The following ARID1A variants were observed in gnomAD, a reference collection of about 807,000 sequenced individuals.
ARID1A encodes the protein AT-rich interactive domain-containing protein 1A.
In ARID1A, 20 loss-of-function variants were observed where a neutral mutation model predicts 212.6. That is an observed-to-expected ratio of 0.09 (90% CI 0.07 to 0.14). ARID1A has a LOEUF of 0.14. Ranked by LOEUF, ARID1A falls within the 10% of genes least tolerant of loss-of-function variation. ARID1A has a pLI of 1.00. For missense variants in ARID1A, 2,587 were observed against 3,059.0 expected (o/e 0.85, Z 3.64); for synonymous variants, 1,376 against 1,222.1 (o/e 1.13, Z -2.63).
rs2124063345 is a variant in ARID1A, at chr1:26,762,200, C to A, written c.2300C>A (p.Pro767His). The A allele has an allele frequency of 6.2e-7, 1 of 1,614,162 alleles. No homozygotes were observed. Among genetic ancestry groups the A allele is most frequent in the South Asian group, 1.1e-5 (1 of 91,080 alleles). ...ATGCCCCAGTACAGTTCCCCCCAGC[C>A]CGGCTCAGCCTTATCTCCGCGTCAG... is the stretch of plus-strand genomic sequence containing the variant. Reference protein sequence around the residue: ...PQMPQYSSPQPGSALSPRQPS... With the variant: ...PQMPQYSSPQHGSALSPRQPS... Residue 767 changes from proline (P) to histidine (H), a missense_variant, in exon 7 of 20, where the codon CCC (proline) becomes CAC (histidine). Coordinates refer to ENST00000324856, the MANE Select transcript of ARID1A (RefSeq NM_006015.6).
chr1:26,730,859 G>A (rs2080668985), intron 2 of ARID1A, among the ~76,000 whole-genome samples: 1 of 152,164 alleles, frequency 6.6e-6, no homozygotes, highest in African/African-American at 2.4e-5. Context: ...AAAAGAGTTA[G>A]GCTCACTGGT....
intron 1 of ARID1A, 85 bp downstream of exon 1, chr1:26,697,625 G>C (rs1199657571): frequency 1.7e-6 from 2 of 1,207,132 alleles, no homozygotes; most frequent in Non-Finnish European, 1.0e-6. Context: ...ACAGCCTTGG[G>C]CTCCCCTCAG....
At chr1:26,720,955 T>G (rs545984703) in intron 1 of ARID1A, among the ~76,000 whole-genome samples, 20 of 151,432 alleles carry the variant, frequency 1.3e-4, no homozygotes, top group African/African-American at 4.8e-4. Context: ...TTGGATTGAG[T>G]AGCTGAGGAG....
chr1:26,750,916 A>G (rs2080878446), intron 4 of ARID1A, among the ~76,000 whole-genome samples: 1 of 152,074 alleles, frequency 6.6e-6, no homozygotes, highest in Non-Finnish European at 1.5e-5. Context: ...TATCAGTGAA[A>G]GGGCTGATTT....
intron 1 of ARID1A, among the ~76,000 whole-genome samples, chr1:26,722,694 A>G (rs1213169400): frequency 6.6e-6 from 1 of 152,230 alleles, no homozygotes; most frequent in Non-Finnish European, 1.5e-5. Flanking sequence ...ATGAACTAGA[A>G]TGAAGGAATT....
In ARID1A at chr1:26,766,234, C is replaced by A. The variant is rs2124079189; in HGVS notation, c.2746C>A (p.Pro916Thr). 3 of 1,613,646 alleles carry A rather than the reference C, an allele frequency of 1.9e-6. No homozygotes were observed. The highest frequency in any genetic ancestry group is 2.5e-6 in the Non-Finnish European group (3 of 1,179,844). The change falls in exon 9 of 20, where the codon CCC (proline) becomes ACC (threonine). Residue 916 changes from proline (P) to threonine (T), a missense_variant. Around this residue, in one of 11 missense-constraint regions of ARID1A, gnomAD observed 674 missense variants for 813.4 expected, o/e 0.83. Coordinates refer to ENST00000324856, the MANE Select transcript of ARID1A (RefSeq NM_006015.6). Reference sequence around the variant, plus strand: ...CTTCTTCCTTAGGCCGCCAGGCTACCCCAATATGAATCAAGGGGGCATGAT... The same window carrying A: ...CTTCTTCCTTAGGCCGCCAGGCTACACCAATATGAATCAAGGGGGCATGAT... ...NSIQNRPPGYPNMNQGGMMGT... is the reference protein window; with the variant it reads ...NSIQNRPPGYTNMNQGGMMGT...
Position 26,732,570 on chromosome 1 carries a change from T to G in ARID1A, c.1804-106T>G, listed in dbSNP as rs186805198. ...ACATAATACTTTTCGCAACTGGACT[T>G]TCTCTCACACTCATGAGAGACAGTC... On this transcript the variant is annotated intron_variant, in intron 3 of 19. Transcript: ENST00000324856. 8.0e-6 allele frequency: 7 copies of G among 873,864 alleles called. No homozygotes were observed. In the East Asian group the frequency reaches 1.5e-4, roughly 19 times the overall value. The allele number at this position is 873,864 out of a possible 1,614,324, so 54.1% of individuals were successfully genotyped here. A position where few individuals can be genotyped will look rare whatever the true frequency, so the allele number is the denominator to read the frequency against.
At chr1:26,757,795 A>T (rs1236787969) in intron 4 of ARID1A, among the ~76,000 whole-genome samples, 2 of 151,978 alleles carry the variant, frequency 1.3e-5, no homozygotes, top group Non-Finnish European at 2.9e-5. Flanking sequence ...CAGCCTCCTG[A>T]GTACCTGGGA....
At chr1:26,758,930 A>G (rs2080965703) in intron 4 of ARID1A, among the ~76,000 whole-genome samples, 2 of 152,212 alleles carry the variant, frequency 1.3e-5, no homozygotes, top group African/African-American at 2.4e-5. Context: ...CTTCAGAGCA[A>G]ACTTTGTCTC....
intron 1 of ARID1A, among the ~76,000 whole-genome samples, chr1:26,723,289 G>T (rs1570568320): frequency 6.6e-6 from 1 of 152,198 alleles, no homozygotes; most frequent in Non-Finnish European, 1.5e-5. Flanking sequence ...TGTTGGTTGG[G>T]AGAGGCCTTA....
intron 1 of ARID1A, chr1:26,729,397 C>T: frequency 2.0e-6 from 1 of 497,926 alleles, no homozygotes; most frequent in Non-Finnish European, 3.7e-6. Flanking sequence ...CAAGCAGTAC[C>T]ACAGTTACAA....
Position 26,714,270 on chromosome 1 carries a change from A to G in ARID1A, c.1138-15381A>G, listed in dbSNP as rs78545863. 1.4e-4 allele frequency among the ~76,000 whole-genome samples: 21 copies of G among 152,306 alleles called. No homozygotes were observed. In the East Asian group the frequency reaches 4.0e-3, roughly 29 times the overall value. On this transcript the variant is annotated intron_variant, in intron 1 of 19. Transcript: ENST00000324856. Reference sequence around the variant, plus strand: ...ATAGTTTGTATAGACAGTGGTGTAGATGAGGTTGGTATGTACCAGCATACT... The same window carrying G: ...ATAGTTTGTATAGACAGTGGTGTAGGTGAGGTTGGTATGTACCAGCATACT...
intron 4 of ARID1A, among the ~76,000 whole-genome samples, chr1:26,749,934 G>A (rs1224406349): frequency 1.3e-5 from 2 of 152,242 alleles, no homozygotes; most frequent in African/African-American, 4.8e-5. Flanking sequence ...GGGAAAGAAA[G>A]AGGACTAATA....
At chr1:26,767,738 C>T (rs2124085449) in intron 10 of ARID1A, 52 bp from the exon 11 acceptor site, 1 of 1,509,786 alleles carries the variant, frequency 6.6e-7, no homozygotes, top group Admixed American at 1.8e-5. Context: ...AGACCCTTAG[C>T]ACAGGCTTTG....
At chr1:26,754,121 A>G (rs1024518911) in intron 4 of ARID1A, among the ~76,000 whole-genome samples, 14 of 152,276 alleles carry the variant, frequency 9.2e-5, no homozygotes, top group African/African-American at 1.7e-4. Context: ...TGAACTTTTT[A>G]TTAATGATAA....
At chr1:26,701,596 C>T (rs1355755912) in intron 1 of ARID1A, among the ~76,000 whole-genome samples, 1 of 152,180 alleles carries the variant, frequency 6.6e-6, no homozygotes, top group Non-Finnish European at 1.5e-5. Flanking sequence ...TCTCCCTCAT[C>T]AATAAAATGA....
chr1:26,750,736 A>T (rs145624318), intron 4 of ARID1A, among the ~76,000 whole-genome samples: 1 of 151,858 alleles, frequency 6.6e-6, no homozygotes, highest in East Asian at 1.9e-4. Flanking sequence ...TCCTACCTTC[A>T]TGGGACTTCT....
intron 4 of ARID1A, among the ~76,000 whole-genome samples, chr1:26,734,907 T>A (rs1017935170): frequency 6.6e-6 from 1 of 152,180 alleles, no homozygotes; most frequent in African/African-American, 2.4e-5. Flanking sequence ...CCCCTCAGAT[T>A]TCACATTGCT....
rs758593161 is a variant in ARID1A, at chr1:26,766,358, A to G, written c.2870A>G (p.Asn957Ser). 15 of 1,614,052 alleles carry G rather than the reference A, an allele frequency of 9.3e-6. No homozygotes were observed. The highest frequency in any genetic ancestry group is 1.3e-5 in the Non-Finnish European group (15 of 1,180,030). ...PYSMGGTMANNSAGMAASPEM... is the reference protein window; with the variant it reads ...PYSMGGTMANSSAGMAASPEM... Reference sequence around the variant, plus strand: ...TCCATGGGTGGAACCATGGCCAACAATTCTGCAGGTAAGTGCTAGTCATTC... The same window carrying G: ...TCCATGGGTGGAACCATGGCCAACAGTTCTGCAGGTAAGTGCTAGTCATTC... Residue 957 changes from asparagine (N) to serine (S), a missense_variant, in exon 9 of 20, where the codon AAT (asparagine) becomes AGT (serine). Physicochemically the swap from Asn to Ser is conservative, Grantham distance 46 (BLOSUM62 1). This residue lies in a region of ARID1A where 674 missense variants were observed against 813.4 expected (regional missense o/e 0.83). Transcript: ENST00000324856.
Sources: gnomAD v4.1 joint callset for allele counts (sites outside exome capture counted in the v4.1 genomes callset) on GRCh38, gnomAD v4.1.1 for gene constraint, gnomAD v4.1.1 regional missense constraint, MANE v1.5 for transcripts, NCBI Gene and HGNC (gene_info 2026-07-23, HGNC 2026-07-21) for gene names.